KAZN: variants seen among roughly 807,000 people sequenced by gnomAD.
The protein encoded by KAZN is kazrin.
A neutral mutation model predicts 87.4 loss-of-function variants in KAZN; 40 were observed. That is an observed-to-expected ratio of 0.46 (90% CI 0.36 to 0.60). The LOEUF (loss-of-function observed/expected upper bound fraction) is 0.60, where lower values mean the gene tolerates loss of function less well. Ranked by LOEUF, KAZN falls within the 20% of genes least tolerant of loss-of-function variation. The probability of loss-of-function intolerance (pLI) is 0.00; values close to 1 mark genes in which losing one functional copy is unlikely to be tolerated. For synonymous variants in KAZN, 466 were observed against 458.3 expected, an observed-to-expected ratio of 1.02 and a Z score of -0.22; for missense variants, 898 against 1,073.9, an observed-to-expected ratio of 0.84 and a Z score of 2.29.
At chr1:14,695,190 A>G (rs865976049) in intron 1 of KAZN, among the ~76,000 whole-genome samples, 3 of 152,186 alleles carry the variant, frequency 2.0e-5, no homozygotes, top group African/African-American at 7.2e-5. Context: ...GAACAACCAA[A>G]TAAGTGAGCA....
intron 1 of KAZN, among the ~76,000 whole-genome samples, chr1:14,665,898 CA>C (rs1393986062): frequency 7.6e-6 from 1 of 130,930 alleles, no homozygotes; most frequent in Admixed American, 8.2e-5. Context: ...TTTCCTTTGG[CA>C]GTTTGGAGGC....
At chr1:13,975,217 A>T (rs746153825) in intron 1 of KAZN, among the ~76,000 whole-genome samples, 4 of 152,122 alleles carry the variant, frequency 2.6e-5, no homozygotes, top group Non-Finnish European at 5.9e-5. Context: ...TTTGGATCGA[A>T]TTTGGCACTT....
chr1:14,318,473 T>C (rs1655808786), intron 2 of KAZN, among the ~76,000 whole-genome samples: 1 of 152,062 alleles, frequency 6.6e-6, no homozygotes, highest in Non-Finnish European at 1.5e-5. Flanking sequence ...TCTTCTGCTT[T>C]TAAGATTTTT....
intron 1 of KAZN, among the ~76,000 whole-genome samples, chr1:14,859,730 T>C (rs1650605969): frequency 6.6e-6 from 1 of 152,232 alleles, no homozygotes; most frequent in Non-Finnish European, 1.5e-5. Context: ...CTTGAGCTAA[T>C]AAGGAGGGCA....
At chr1:14,883,427 A>G (rs187398477) in intron 1 of KAZN, among the ~76,000 whole-genome samples, 30 of 123,038 alleles carry the variant, frequency 2.4e-4, no homozygotes, top group African/African-American at 8.6e-4. Context: ...AAGAAAGAAA[A>G]GCGGTTCTTG....
At chr1:14,826,120 A>G (rs961599294) in intron 1 of KAZN, among the ~76,000 whole-genome samples, 2 of 152,186 alleles carry the variant, frequency 1.3e-5, no homozygotes, top group East Asian at 3.9e-4. Context: ...CTGCCCATCG[A>G]GAGCCACATG....
intron 1 of KAZN, among the ~76,000 whole-genome samples, chr1:14,146,931 G>T (rs1025557918): frequency 1.3e-5 from 2 of 151,914 alleles, no homozygotes; most frequent in Non-Finnish European, 2.9e-5. Context: ...TTCCACTTCT[G>T]TCACCCCCAA....
intron 2 of KAZN, among the ~76,000 whole-genome samples, chr1:14,238,643 C>G (rs762803630): frequency 6.6e-6 from 1 of 152,276 alleles, no homozygotes; most frequent in Non-Finnish European, 1.5e-5. Flanking sequence ...CCAGACATCT[C>G]TCTGGATGCT....
chr1:14,134,780 C>T (rs1411367389), intron 1 of KAZN, among the ~76,000 whole-genome samples: 1 of 152,130 alleles, frequency 6.6e-6, no homozygotes, highest in Non-Finnish European at 1.5e-5. Flanking sequence ...TCACCTCCTC[C>T]CCATTTTTCT....
Position 15,093,731 on chromosome 1 carries a change from A to C in KAZN, c.1223-449A>C, listed in dbSNP as rs1640664487. ...ATTTACATTGCCATGGTGAATTTTA[A>C]CAGAAATGCTTTAGGGTAAATATCT... On this transcript the variant is annotated intron_variant, in intron 8 of 14. Coordinates refer to ENST00000376030, the MANE Select transcript of KAZN (RefSeq NM_201628.3). 2.0e-5 allele frequency among the ~76,000 whole-genome samples: 3 copies of C among 152,312 alleles called. No individual in the cohort carries two copies. In the South Asian group the frequency reaches 6.2e-4, roughly 32 times the overall value.
intron 1 of KAZN, among the ~76,000 whole-genome samples, chr1:14,072,221 T>C (rs1029833739): frequency 2.0e-5 from 3 of 152,222 alleles, no homozygotes; most frequent in African/African-American, 7.2e-5. Context: ...CCTAGTGCGA[T>C]GAGTGCTCAG....
intron 2 of KAZN, among the ~76,000 whole-genome samples, chr1:15,010,224 C>T (rs6672536): frequency 0.16 from 23,664 of 151,928 alleles, 2,275 homozygotes; most frequent in African/African-American, 0.27. Context: ...CCCATGGTGT[C>T]CTTAACATGT....
At chr1:14,370,588 CCT>C (rs1280532306) in intron 2 of KAZN, among the ~76,000 whole-genome samples, 12 of 152,336 alleles carry the variant, frequency 7.9e-5, no homozygotes, top group Admixed American at 3.9e-4. Flanking sequence ...AAACCTGTTG[CCT>C]CTTTTACATG....
intron 1 of KAZN, among the ~76,000 whole-genome samples, chr1:14,885,844 G>A (rs946196640): frequency 5.3e-5 from 8 of 152,032 alleles, no homozygotes; most frequent in South Asian, 2.1e-4. Context: ...TGTAACACTC[G>A]TCACTACCTG....
chr1:13,893,556 C>G lies in KAZN; in HGVS notation c.-110C>G. ...GGCGGGGACATTTTCTTGGAAGTGACAAGTAGCCTCAGATCTGCAGTTCCT... is the reference window on the plus strand; with the variant it reads ...GGCGGGGACATTTTCTTGGAAGTGAGAAGTAGCCTCAGATCTGCAGTTCCT... On this transcript the variant is annotated 5_prime_UTR_variant, in exon 1 of 17. Transcript: ENST00000636203. 3 of 1,466,924 alleles carry G rather than the reference C, an allele frequency of 2.0e-6. No homozygotes were observed. In the South Asian group the frequency reaches 4.1e-5, roughly 20 times the overall value. 90.9% of individuals were successfully genotyped at this position (1,466,924 alleles called of 1,614,324 possible).
intron 1 of KAZN, among the ~76,000 whole-genome samples, chr1:13,969,561 T>C (rs1448553427): frequency 6.6e-6 from 1 of 152,166 alleles, no homozygotes; most frequent in Non-Finnish European, 1.5e-5. Context: ...CTCTTTTCCC[T>C]AGTCACTCTG....
At chr1:14,825,599 G>T (rs1196935903) in intron 1 of KAZN, among the ~76,000 whole-genome samples, 1 of 152,154 alleles carries the variant, frequency 6.6e-6, no homozygotes, top group Non-Finnish European at 1.5e-5. Flanking sequence ...CAAGCAAACT[G>T]AGGCACAAAG....
intron 1 of KAZN, among the ~76,000 whole-genome samples, chr1:14,731,988 G>A (rs1228581013): frequency 3.3e-5 from 5 of 152,230 alleles, no homozygotes; most frequent in African/African-American, 7.2e-5. Flanking sequence ...CGGCTAAGCC[G>A]CCCTGGGGTG....
intron 1 of KAZN, among the ~76,000 whole-genome samples, chr1:14,765,836 G>C (rs554161085): frequency 3.9e-4 from 59 of 152,338 alleles, no homozygotes; most frequent in African/African-American, 1.4e-3. Flanking sequence ...AAAGGAGGCA[G>C]CTGAGCTGGC....
Sources: allele counts gnomAD v4.1 joint callset (sites outside exome capture counted in the v4.1 genomes callset), GRCh38; gene constraint gnomAD v4.1.1; transcripts MANE v1.5; gene names NCBI Gene and HGNC (gene_info 2026-07-23, HGNC 2026-07-21).